The following CLSTN2 variants were observed in gnomAD, a reference collection of about 807,000 sequenced individuals.
CLSTN2 encodes the protein calsyntenin 2.
CLSTN2 carries 48 observed loss-of-function variants against 101.2 expected under a neutral mutation model. That is an observed-to-expected ratio of 0.47 (90% CI 0.38 to 0.60). The LOEUF is 0.60. Ranked by LOEUF, CLSTN2 falls within the 20% of genes least tolerant of loss-of-function variation. CLSTN2 has a pLI of 0.00. For missense variants in CLSTN2, 1,160 were observed against 1,238.2 expected, an observed-to-expected ratio of 0.94 and a Z score of 0.95; for synonymous variants, 481 against 463.6, an observed-to-expected ratio of 1.04 and a Z score of -0.48.
At chr3:140,382,042 G>A (rs10935379) in intron 2 of CLSTN2, among the ~76,000 whole-genome samples, 17,996 of 152,008 alleles carry the variant, frequency 0.12, 1,327 homozygotes, top group East Asian at 0.22. Flanking sequence ...AGGCCTTTGC[G>A]CTTGCTGTTT....
intron 4 of CLSTN2, among the ~76,000 whole-genome samples, chr3:140,405,233 A>ATT (rs72398449): frequency 0.4 from 60,059 of 149,152 alleles, 14,286 homozygotes; most frequent in South Asian, 0.61. Context: ...TTCATTCAGG[A>ATT]TTTTTTTTTT....
Position 139,952,485 on chromosome 3 carries a change from A to C in CLSTN2, c.109+17002A>C, listed in dbSNP as rs555865783. On this transcript the variant is annotated intron_variant, in intron 1 of 16. Transcript: ENST00000458420. The stretch of plus-strand genomic sequence containing the variant: ...TTGCCCCTACATTGGTTCCTTGGGA[A>C]TTTTTTAGAACGTGGAATCTTTTCT... Among the ~76,000 whole-genome samples the C allele has an allele frequency of 1.3e-4, 20 of 152,142 alleles. 1 individual carries two copies. The highest frequency in any genetic ancestry group is 3.4e-4 in the African/African-American group (14 of 41,514).
intron 2 of CLSTN2, among the ~76,000 whole-genome samples, chr3:140,329,140 A>G (rs1170779275): frequency 6.6e-6 from 1 of 152,044 alleles, no homozygotes; most frequent in Admixed American, 6.6e-5. Flanking sequence ...TAATCCCAGC[A>G]CTTTGGGAAG....
chr3:140,461,835 C>T (rs1385873465), intron 7 of CLSTN2, among the ~76,000 whole-genome samples: 1 of 151,784 alleles, frequency 6.6e-6, no homozygotes, highest in Non-Finnish European at 1.5e-5. Flanking sequence ...CAGCTTGGGC[C>T]CTTATGTGAA....
chr3:140,119,207 A>C (rs1015942279), intron 1 of CLSTN2, among the ~76,000 whole-genome samples: 1 of 152,224 alleles, frequency 6.6e-6, no homozygotes, highest in African/African-American at 2.4e-5. Context: ...CTAGATTAGA[A>C]GCAGAAAAGG....
At chr3:140,210,076 G>T (rs1446358652) in intron 2 of CLSTN2, among the ~76,000 whole-genome samples, 1 of 152,136 alleles carries the variant, frequency 6.6e-6, no homozygotes, top group African/African-American at 2.4e-5. Context: ...ATCATTCCAT[G>T]ACCTATGTTG....
At chr3:140,131,856 G>A (rs893136692) in intron 1 of CLSTN2, among the ~76,000 whole-genome samples, 1 of 152,072 alleles carries the variant, frequency 6.6e-6, no homozygotes, top group Non-Finnish European at 1.5e-5. Context: ...TGCTAGCACC[G>A]AGAGCGGGCT....
At chr3:140,242,763 C>T (rs1227746384) in intron 2 of CLSTN2, among the ~76,000 whole-genome samples, 5 of 152,164 alleles carry the variant, frequency 3.3e-5, no homozygotes, top group South Asian at 2.1e-4. Context: ...TGGGGCCTGA[C>T]GGAGTCCTTG....
chr3:140,052,189 C>T (rs756772731), intron 1 of CLSTN2, among the ~76,000 whole-genome samples: 2 of 152,144 alleles, frequency 1.3e-5, no homozygotes, highest in African/African-American at 2.4e-5. Context: ...GACAGAGTCT[C>T]GCTCTGTCGC....
At chr3:140,561,771 T>C (rs1935920244) in intron 12 of CLSTN2, among the ~76,000 whole-genome samples, 1 of 152,186 alleles carries the variant, frequency 6.6e-6, no homozygotes. Flanking sequence ...GCACCTACAA[T>C]GTGCACTGGA....
rs967964161 is a variant in CLSTN2 at position 140,572,521 on chromosome 3, C to T, written c.*6268C>T. The T allele has an allele frequency of 2.0e-5, 3 of 152,218 alleles. No individual in the cohort carries two copies. Among genetic ancestry groups the T allele is most frequent in the East Asian group, 1.9e-4 (1 of 5,176 alleles). The allele number at this position is 152,218 out of a possible 1,614,324, so 9.4% of individuals were successfully genotyped here. ...ACAAGCCAGACTGATGCAAGGGAGCCCTCCTGAGGCCCAACATCAGAGCTG... is the reference window on the plus strand; with the variant it reads ...ACAAGCCAGACTGATGCAAGGGAGCTCTCCTGAGGCCCAACATCAGAGCTG... On this transcript the variant is annotated 3_prime_UTR_variant, in exon 17 of 17. Transcript: ENST00000458420.
intron 1 of CLSTN2, among the ~76,000 whole-genome samples, chr3:140,161,692 C>T (rs1327617270): frequency 6.6e-6 from 1 of 152,178 alleles, no homozygotes; most frequent in African/African-American, 2.4e-5. Flanking sequence ...TCCCCTCCTA[C>T]TGTCCCTTTC....
chr3:140,051,130 A>C (rs1388371119), intron 1 of CLSTN2, among the ~76,000 whole-genome samples: 1 of 152,204 alleles, frequency 6.6e-6, no homozygotes, highest in Non-Finnish European at 1.5e-5. Flanking sequence ...CCAAGGGAAC[A>C]GGAAACAGGG....
rs940097967 is a variant in CLSTN2, at chr3:140,577,320, A to G, written c.*11067A>G. 4 of 152,260 alleles carry G rather than the reference A, an allele frequency of 2.6e-5. No individual in the cohort carries two copies. The highest frequency in any genetic ancestry group is 5.9e-5 in the Non-Finnish European group (4 of 68,040). 9.4% of individuals were successfully genotyped at this position (152,260 alleles called of 1,614,324 possible). A position where few individuals can be genotyped will look rare whatever the true frequency, so the allele number is the denominator to read the frequency against. On this transcript the variant is annotated 3_prime_UTR_variant, in exon 17 of 17. Transcript: ENST00000458420. ...CAGCTGTGGCTTGTAAATGCCTACA[A>G]ACTGATTCATGTTGGTGGTCGTTAT... is the stretch of plus-strand genomic sequence containing the variant.
intron 1 of CLSTN2, among the ~76,000 whole-genome samples, chr3:140,024,411 C>T (rs543461069): frequency 6.6e-6 from 1 of 152,336 alleles, no homozygotes; most frequent in Admixed American, 6.5e-5. Context: ...AGGCAGGACC[C>T]ACATCAGCTG....
intron 2 of CLSTN2, among the ~76,000 whole-genome samples, chr3:140,295,684 A>T (rs2086996751): frequency 6.6e-6 from 1 of 152,204 alleles, no homozygotes; most frequent in Admixed American, 6.5e-5. Context: ...ATAAGTACAA[A>T]TACATTATAA....
At chr3:140,205,227 T>C (rs931146429) in intron 2 of CLSTN2, among the ~76,000 whole-genome samples, 2 of 152,228 alleles carry the variant, frequency 1.3e-5, no homozygotes, top group Admixed American at 1.3e-4. Context: ...CCTATGGGTT[T>C]TATTTCTTTA....
At chr3:140,462,790 T>C (rs905166047) in intron 7 of CLSTN2, 4 of 152,140 alleles carry the variant, frequency 2.6e-5, no homozygotes, top group Non-Finnish European at 1.5e-5. Context: ...CCCAGAACAC[T>C]CAGTAGCCAA....
chr3:140,319,557 G>A (rs2087262158), intron 2 of CLSTN2, among the ~76,000 whole-genome samples: 1 of 152,228 alleles, frequency 6.6e-6, no homozygotes, highest in South Asian at 2.1e-4. Flanking sequence ...GGCTGCCCCT[G>A]TAGGGTTAGG....
Sources: allele counts gnomAD v4.1 joint callset (sites outside exome capture counted in the v4.1 genomes callset), GRCh38; gene constraint gnomAD v4.1.1; transcripts MANE v1.5; gene names NCBI Gene and HGNC (gene_info 2026-07-23, HGNC 2026-07-21).